The following REEP3 variants were observed in gnomAD, a reference collection of about 807,000 sequenced individuals.
REEP3 encodes the protein receptor accessory protein 3, also known as receptor expression-enhancing protein 3.
In REEP3, 20 loss-of-function variants were observed where a neutral mutation model predicts 41.3. The observed-to-expected ratio is 0.48, with a 90% CI of 0.34 to 0.70. The LOEUF (loss-of-function observed/expected upper bound fraction) is 0.70. Ranked by LOEUF, REEP3 falls within the 30% of genes least tolerant of loss-of-function variation. REEP3 has a pLI of 0.01. For missense variants in REEP3, 271 were observed against 308.8 expected, an observed-to-expected ratio of 0.88 and a Z score of 0.92; for synonymous variants, 104 against 101.8, an observed-to-expected ratio of 1.02 and a Z score of -0.13.
chr10:63,593,036 G>C (rs891344554), intron 2 of REEP3, among the ~76,000 whole-genome samples: 1 of 151,844 alleles, frequency 6.6e-6, no homozygotes, highest in South Asian at 2.1e-4. Context: ...GGGAGGGGCC[G>C]GGCGCGGTGG....
chr10:63,543,556 G>T (rs1227826298), intron 1 of REEP3, among the ~76,000 whole-genome samples: 5 of 150,984 alleles, frequency 3.3e-5, no homozygotes, highest in Non-Finnish European at 7.4e-5. Context: ...TTAGCAGTTT[G>T]TCCATTTCTT....
chr10:63,525,959 C>CTA (rs1308891033), intron 1 of REEP3, among the ~76,000 whole-genome samples: 1 of 152,176 alleles, frequency 6.6e-6, no homozygotes, highest in Admixed American at 6.5e-5. Flanking sequence ...AAATACATTA[C>CTA]TATATGTAAT....
Position 63,595,172 on chromosome 10 carries a change from T to G in REEP3, c.182+318T>G, listed in dbSNP as rs1414565225. Among the ~76,000 whole-genome samples, 4 of 152,364 alleles carry G rather than the reference T, an allele frequency of 2.6e-5. No homozygotes were observed. In the East Asian group the frequency reaches 7.7e-4, roughly 29 times the overall value. Reference sequence around the variant, plus strand: ...ACTTCAGAACATTTTCCTGTATCACTTCCTAAATGACTCCACTTTTGAAGC... The same window carrying G: ...ACTTCAGAACATTTTCCTGTATCACGTCCTAAATGACTCCACTTTTGAAGC... On this transcript the variant is annotated intron_variant, in intron 3 of 7. Transcript: ENST00000373758.
At chr10:63,596,337 T>A (rs1010665010) in intron 3 of REEP3, among the ~76,000 whole-genome samples, 2 of 140,754 alleles carry the variant, frequency 1.4e-5, no homozygotes, top group Non-Finnish European at 3.1e-5. Context: ...TACATCGAAG[T>A]TTCCAAGTTC....
At chr10:63,608,590 G>A (rs1589887909) in intron 5 of REEP3, among the ~76,000 whole-genome samples, 1 of 152,068 alleles carries the variant, frequency 6.6e-6, no homozygotes, top group Non-Finnish European at 1.5e-5. Context: ...GTGAAACGAA[G>A]AAATAATAAG....
intron 6 of REEP3, among the ~76,000 whole-genome samples, chr10:63,614,487 A>G (rs1190672099): frequency 2.6e-5 from 4 of 152,202 alleles, no homozygotes; most frequent in Admixed American, 6.5e-5. Context: ...AAAAGAGTCA[A>G]GCAGCTGCTG....
At chr10:63,559,086 A>G (rs1589866629) in intron 1 of REEP3, among the ~76,000 whole-genome samples, 1 of 152,192 alleles carries the variant, frequency 6.6e-6, no homozygotes, top group East Asian at 1.9e-4. Flanking sequence ...GTGTGGTCAT[A>G]TTACATTTAA....
At chr10:63,583,263 C>G (rs1955971970) in intron 2 of REEP3, among the ~76,000 whole-genome samples, 1 of 152,226 alleles carries the variant, frequency 6.6e-6, no homozygotes, top group Admixed American at 6.5e-5. Context: ...AGTGCTGGGA[C>G]TACAGGCGTC....
intron 6 of REEP3, among the ~76,000 whole-genome samples, chr10:63,617,898 C>G (rs1179204753): frequency 6.9e-6 from 1 of 145,970 alleles, no homozygotes; most frequent in Non-Finnish European, 1.5e-5. Context: ...AATCTCAGCT[C>G]ACTGCAACCT....
intron 6 of REEP3, among the ~76,000 whole-genome samples, chr10:63,612,790 CAA>C (rs759334481): frequency 8.0e-6 from 1 of 125,778 alleles, no homozygotes; most frequent in Non-Finnish European, 1.7e-5. Flanking sequence ...GACTCCATCT[CAA>C]AAAAAAAAAA....
intron 5 of REEP3, chr10:63,606,263 T>TTTTCTTTCTTTTTTTC (rs1554808470): frequency 6.6e-6 from 1 of 151,554 alleles, no homozygotes; most frequent in Non-Finnish European, 1.4e-5. Context: ...GAACTTTTCT[T>TTTTCTTTCTTTTTTTC]TTTCTTTCTT....
At chr10:63,551,139 G>T (rs1433136972) in intron 1 of REEP3, among the ~76,000 whole-genome samples, 1 of 152,076 alleles carries the variant, frequency 6.6e-6, no homozygotes, top group African/African-American at 2.4e-5. Flanking sequence ...TCTAGGAATG[G>T]GCAGGAAATA....
intron 1 of REEP3, among the ~76,000 whole-genome samples, chr10:63,557,845 G>C (rs191799509): frequency 6.6e-6 from 1 of 152,342 alleles, no homozygotes; most frequent in Admixed American, 6.5e-5. Context: ...AGGACCACAA[G>C]TGTTGATATA....
At chr10:63,528,449 C>T (rs1955387511) in intron 1 of REEP3, among the ~76,000 whole-genome samples, 1 of 152,194 alleles carries the variant, frequency 6.6e-6, no homozygotes. Flanking sequence ...TTTACATACA[C>T]CATTCTAGTC....
chr10:63,598,026 T>A lies in REEP3; in HGVS notation c.185T>A (p.Phe62Tyr). The change falls in exon 4 of 8, where the codon TTT (phenylalanine) becomes TAT (tyrosine). Residue 62 changes from phenylalanine to tyrosine, a missense_variant and splice_region_variant. Transcript: ENST00000373758. Reference sequence around the variant, plus strand: ...TTTCCAAATGTTTTTCTTATTAGGTTTCCCCTGTACTATGAGCTGAAGATT... The same window carrying A: ...TTTCCAAATGTTTTTCTTATTAGGTATCCCCTGTACTATGAGCTGAAGATT... ...ETVADQTVAW[F>Y]PLYYELKIAF... The A allele has an allele frequency of 6.2e-7, 1 of 1,601,282 alleles. No homozygotes were observed. The highest frequency in any genetic ancestry group is 1.1e-5 in the South Asian group (1 of 88,232).
chr10:63,587,959 T>C (rs899762120), intron 2 of REEP3, among the ~76,000 whole-genome samples: 2 of 152,218 alleles, frequency 1.3e-5, no homozygotes, highest in African/African-American at 4.8e-5. Context: ...AGACCTTTCA[T>C]TATAGCCCTT....
intron 6 of REEP3, among the ~76,000 whole-genome samples, chr10:63,613,253 GC>G (rs1237918545): frequency 1.3e-5 from 2 of 152,138 alleles, no homozygotes; most frequent in African/African-American, 4.8e-5. Flanking sequence ...CTTGTGATCT[GC>G]CCACTTCAGC....
intron 2 of REEP3, among the ~76,000 whole-genome samples, chr10:63,593,179 T>C (rs748482455): frequency 1.2e-4 from 18 of 152,352 alleles, no homozygotes; most frequent in Middle Eastern, 3.4e-3. Flanking sequence ...AAAAAGCTAT[T>C]TGAGTTATCA....
intron 4 of REEP3, among the ~76,000 whole-genome samples, chr10:63,598,750 C>T (rs933085324): frequency 6.7e-6 from 1 of 148,662 alleles, no homozygotes; most frequent in African/African-American, 2.5e-5. Flanking sequence ...CACAACTGCA[C>T]TCCAGCCTGG....
Sources: gnomAD v4.1 joint callset for allele counts (sites outside exome capture counted in the v4.1 genomes callset) on GRCh38, gnomAD v4.1.1 for gene constraint, MANE v1.5 for transcripts, NCBI Gene and HGNC (gene_info 2026-07-23, HGNC 2026-07-21) for gene names.